The following MBD5 variants were observed in gnomAD, a reference collection of about 807,000 sequenced individuals.
The protein encoded by MBD5 is methyl-CpG binding domain protein 5.
Under a neutral mutation model 117.3 loss-of-function variants are expected in MBD5, and 13 were observed. The observed-to-expected ratio is 0.11, with a 90% confidence interval of 0.07 to 0.18. The LOEUF (loss-of-function observed/expected upper bound fraction) is 0.18, where lower values mean the gene tolerates loss of function less well. Ranked by LOEUF, MBD5 falls within the 10% of genes least tolerant of loss-of-function variation. MBD5 has a pLI of 1.00. For missense variants in MBD5, 1,879 were observed against 2,093.8 expected (o/e 0.90, Z 2.00); for synonymous variants, 727 against 766.4 (o/e 0.95, Z 0.85).
At chr2:148,415,520 G>A (rs577346942) in intron 4 of MBD5, among the ~76,000 whole-genome samples, 20 of 152,118 alleles carry the variant, frequency 1.3e-4, no homozygotes, top group Non-Finnish European at 2.6e-4. Flanking sequence ...CTCTAGCGAG[G>A]TTTGGGAAAT....
intron 4 of MBD5, among the ~76,000 whole-genome samples, chr2:148,419,473 G>T (rs530810509): frequency 1.3e-5 from 2 of 152,222 alleles, no homozygotes; most frequent in East Asian, 3.9e-4. Context: ...TATGAGCTAT[G>T]AAAATAACTT....
chr2:148,167,257 C>T (rs1316550804), intron 1 of MBD5, among the ~76,000 whole-genome samples: 1 of 152,066 alleles, frequency 6.6e-6, no homozygotes, highest in East Asian at 1.9e-4. Context: ...TATATCTTCC[C>T]TCTAGTTCCC....
intron 3 of MBD5, among the ~76,000 whole-genome samples, chr2:148,316,460 A>G (rs965418113): frequency 6.6e-6 from 1 of 152,144 alleles, no homozygotes; most frequent in African/African-American, 2.4e-5. Context: ...ATTATATGCA[A>G]TCTCATATCC....
intron 4 of MBD5, among the ~76,000 whole-genome samples, chr2:148,424,597 C>G (rs1227231623): frequency 6.6e-6 from 1 of 152,140 alleles, no homozygotes; most frequent in Non-Finnish European, 1.5e-5. Context: ...CTCACCACCA[C>G]ATCACACTTA....
chr2:148,385,780 A>AT (rs1383068609), intron 4 of MBD5, among the ~76,000 whole-genome samples: 78 of 106,018 alleles, frequency 7.4e-4, no homozygotes, highest in Admixed American at 7.1e-3. Context: ...CTATGCAGCC[A>AT]TAAAAAAGGA....
chr2:148,043,477 A>AAATAAATAAATAAAT (rs1436379041), intron 1 of MBD5, among the ~76,000 whole-genome samples: 1 of 151,292 alleles, frequency 6.6e-6, no homozygotes, highest in African/African-American at 2.4e-5. Flanking sequence ...ATAAATAAAT[A>AAATAAATAAATAAAT]AATAAATAAA....
intron 1 of MBD5, among the ~76,000 whole-genome samples, chr2:148,045,977 T>G (rs1480814681): frequency 2.5e-5 from 2 of 79,160 alleles, no homozygotes; most frequent in African/African-American, 1.1e-4. Context: ...GAAGTGCCTT[T>G]TTTTTTTTTT....
At chr2:148,076,237 T>C (rs777136564) in intron 1 of MBD5, among the ~76,000 whole-genome samples, 2 of 152,182 alleles carry the variant, frequency 1.3e-5, no homozygotes, top group Non-Finnish European at 2.9e-5. Flanking sequence ...TCTGTCTTTC[T>C]GCTTTGTACT....
intron 1 of MBD5, among the ~76,000 whole-genome samples, chr2:148,111,896 CA>C (rs1696511447): frequency 6.6e-6 from 1 of 152,002 alleles, no homozygotes; most frequent in Non-Finnish European, 1.5e-5. Context: ...CACAGATTAA[CA>C]CAAATAATTA....
rs1367374825 is a variant in MBD5, at chr2:148,271,133, C to T, written c.-680+37738C>T. ...AGTCTGTAATTGATGTTTCAGTTTCCTCTTTGGAGAAAGATTTTTAGGCTC... is the reference window on the plus strand; with the variant it reads ...AGTCTGTAATTGATGTTTCAGTTTCTTCTTTGGAGAAAGATTTTTAGGCTC... On this transcript the variant is annotated intron_variant, in intron 3 of 13. Coordinates refer to ENST00000642680, the MANE Select transcript of MBD5 (RefSeq NM_001378120.1). 4.6e-5 allele frequency among the ~76,000 whole-genome samples: 7 copies of T among 151,984 alleles called. No individual in the cohort carries two copies. The East Asian group carries it at 1.4e-3, about 29-fold the overall frequency.
At chr2:148,025,584 A>C (rs1693869868) in intron 1 of MBD5, 1 of 151,084 alleles carries the variant, frequency 6.6e-6, no homozygotes, top group Admixed American at 6.6e-5. Context: ...TCTAAACTTA[A>C]ATCTTTTTCT....
chr2:148,207,620 G>C (rs543709937), intron 2 of MBD5, among the ~76,000 whole-genome samples: 14 of 150,900 alleles, frequency 9.3e-5, no homozygotes, highest in African/African-American at 3.4e-4. Flanking sequence ...ACATTGCAAA[G>C]ATACCCACTG....
chr2:148,439,638 A>G (rs574849709), intron 4 of MBD5, among the ~76,000 whole-genome samples: 1 of 152,292 alleles, frequency 6.6e-6, no homozygotes, highest in South Asian at 2.1e-4. Context: ...TGTGGTAACC[A>G]GAATTGTATC....
chr2:148,279,097 A>G (rs941812293), intron 3 of MBD5, among the ~76,000 whole-genome samples: 1 of 152,112 alleles, frequency 6.6e-6, no homozygotes, highest in Non-Finnish European at 1.5e-5. Context: ...TCCTCTGGGA[A>G]CACCATCACA....
At chr2:148,396,463 A>C (rs975954552) in intron 4 of MBD5, among the ~76,000 whole-genome samples, 2 of 152,212 alleles carry the variant, frequency 1.3e-5, no homozygotes, top group African/African-American at 4.8e-5. Flanking sequence ...TGCTGCTCAT[A>C]ACCTCTGGAT....
At chr2:148,151,410 G>C (rs1346318938) in intron 1 of MBD5, among the ~76,000 whole-genome samples, 1 of 151,916 alleles carries the variant, frequency 6.6e-6, no homozygotes, top group Non-Finnish European at 1.5e-5. Context: ...TCTCTTTTTT[G>C]GTTGTGTCTC....
In MBD5 at chr2:148,352,611, G is replaced by A. The variant is rs1352007243; in HGVS notation, c.-557+10275G>A. ...CATTTGAAAAAATATTTTATGAGTA[G>A]AATCACATGGTATATAAACTTTGGG... is the stretch of plus-strand genomic sequence containing the variant. On this transcript the variant is annotated intron_variant, in intron 4 of 13. Transcript: ENST00000642680. 4.6e-5 allele frequency among the ~76,000 whole-genome samples: 7 copies of A among 152,052 alleles called. No homozygotes were observed. The South Asian group carries it at 8.3e-4, about 18-fold the overall frequency.
chr2:148,043,728 T>A (rs780921276), intron 1 of MBD5, among the ~76,000 whole-genome samples: 4 of 152,160 alleles, frequency 2.6e-5, no homozygotes, highest in Non-Finnish European at 4.4e-5. Context: ...AGAAAGATAT[T>A]TGTGCTGGGT....
chr2:148,383,367 A>G (rs1212039331), intron 4 of MBD5, among the ~76,000 whole-genome samples: 1 of 152,212 alleles, frequency 6.6e-6, no homozygotes, highest in Non-Finnish European at 1.5e-5. Context: ...AGAAATGGAT[A>G]AATTCCTTGA....
Sources: allele counts gnomAD v4.1 joint callset (sites outside exome capture counted in the v4.1 genomes callset), GRCh38; gene constraint gnomAD v4.1.1; transcripts MANE v1.5; gene names NCBI Gene and HGNC (gene_info 2026-07-23, HGNC 2026-07-21).